Variants in VPS52 observed in about 807,000 individuals in gnomAD.
VPS52 encodes vacuolar protein sorting-associated protein 52 homolog.
VPS52 carries 56 observed loss-of-function variants against 98.7 expected under a neutral mutation model. That is an observed-to-expected ratio of 0.57 (90% CI 0.46 to 0.71). VPS52 has a LOEUF of 0.71. Ranked by LOEUF, VPS52 falls within the 30% of genes least tolerant of loss-of-function variation. The probability of loss-of-function intolerance (pLI) is 0.00; values close to 1 mark genes in which losing one functional copy is unlikely to be tolerated. For synonymous variants in VPS52, 348 were observed against 346.4 expected (o/e 1.00, Z -0.05); for missense variants, 742 against 925.9 (o/e 0.80, Z 2.58).
intron 17 of VPS52, among the ~76,000 whole-genome samples, chr6:33,252,553 C>T (rs1581544169): frequency 1.4e-5 from 2 of 140,080 alleles, no homozygotes; most frequent in East Asian, 2.0e-4. Flanking sequence ...CATGCCACTG[C>T]ACTCCAGCCT....
chr6:33,270,418 T>A, intron 1 of VPS52, 135 bp from the exon 2 acceptor site: 1 of 786,356 alleles, frequency 1.3e-6, no homozygotes, highest in Non-Finnish European at 2.0e-6. Context: ...TGAAAAATTC[T>A]AAGAGTCTCA....
chr6:33,252,106 G>A (rs74714481), intron 17 of VPS52, 135 bp from the exon 18 acceptor site: 17,944 of 690,948 alleles, frequency 0.026, 450 homozygotes, highest in African/African-American at 0.087. Context: ...ATCCTCTATG[G>A]AGAAAAATAT....
In VPS52 at chr6:33,263,999, G is replaced by A. The variant is rs201918121; in HGVS notation, c.1620+9C>T. The stretch of plus-strand genomic sequence containing the variant: ...TGCTGCTGGGAAGTGTCTCCTGTCC[G>A]ACCCTCACCTGCAGCTGTCCCAGCA... On this transcript the variant is annotated intron_variant, in intron 15 of 19. Transcript: ENST00000445902. 484 of 1,614,152 alleles carry A rather than the reference G, an allele frequency of 3.0e-4. 1 individual carries two copies. The highest frequency in any genetic ancestry group is 6.4e-5 in the Non-Finnish European group (76 of 1,179,996).
intron 17 of VPS52, among the ~76,000 whole-genome samples, chr6:33,256,745 G>A (rs560129826): frequency 6.8e-4 from 102 of 150,888 alleles, no homozygotes; most frequent in Middle Eastern, 3.4e-3. Flanking sequence ...GGAGGCTGAG[G>A]CAGGAGAATC....
chr6:33,255,479 T>A (rs1581559861), intron 17 of VPS52, among the ~76,000 whole-genome samples: 2 of 146,640 alleles, frequency 1.4e-5, no homozygotes, highest in East Asian at 3.9e-4. Context: ...TTTTTTTTTT[T>A]TTTTTTTTTA....
At chr6:33,269,955 G>A (rs1156284805) in intron 3 of VPS52, 44 bp downstream of exon 3, 1 of 1,612,948 alleles carries the variant, frequency 6.2e-7, no homozygotes, top group African/African-American at 1.3e-5. Flanking sequence ...TCCTTTTGGG[G>A]TAGAATAGAT....
At position 33,263,831 on chromosome 6, in the gene VPS52, T is replaced by C; in HGVS notation, c.1669A>G (p.Arg557Gly). ...VLRVAAEFSS[R>G]KEQLVFLINN... ...ATCAGAAACACAAGCTGCTCCTTCC[T>C]TGAGGAGAACTCAGCTGCCACTCGG... is the stretch of plus-strand genomic sequence containing the variant. The change falls in exon 16 of 20, where the codon AGG (arginine) becomes GGG (glycine). Residue 557 changes from arginine to glycine, a missense_variant. By Grantham distance (125) the Arg-to-Gly change is moderately radical. This residue lies in a region of VPS52 where 590 missense variants were observed against 793.3 expected (regional missense o/e 0.74). Transcript: ENST00000445902. The C allele has an allele frequency of 6.2e-7, 1 of 1,614,194 alleles. No individual in the cohort carries two copies. Among genetic ancestry groups the C allele is most frequent in the Admixed American group, 1.7e-5 (1 of 60,018 alleles).
In VPS52 at chr6:33,268,626, G is replaced by A; in HGVS notation, c.572C>T (p.Thr191Ile). The A allele has an allele frequency of 6.2e-7, 1 of 1,607,296 alleles. No homozygotes were observed. Reference sequence around the variant, plus strand: ...TAGCTGCTCCAAGAACCTGGGCTCTGTCACTGGAGCCTCCAGAATTGCCCT... The same window carrying A: ...TAGCTGCTCCAAGAACCTGGGCTCTATCACTGGAGCCTCCAGAATTGCCCT... ...LVTAILEAPVTEPRFLEQLQE... is the reference protein window; with the variant it reads ...LVTAILEAPVIEPRFLEQLQE... The change falls in exon 7 of 20, where the codon ACA becomes ATA. Residue 191 changes from threonine (T) to isoleucine (I), a missense_variant. This residue lies in a region of VPS52 where 590 missense variants were observed against 793.3 expected (regional missense o/e 0.74). Coordinates refer to ENST00000445902, the MANE Select transcript of VPS52 (RefSeq NM_022553.6). This position sits in a 1 kb window ranked among gnomAD's most constrained non-coding sequence, Gnocchi z 4.0.
rs1764465420 is a variant in VPS52, at chr6:33,267,396, A to G, written c.992-75T>C. The stretch of plus-strand genomic sequence containing the variant: ...AAGACTCACTATCTGTGGGGACCCC[A>G]GACAGGCAGACGTGGCCTAGCCAGC... On this transcript the variant is annotated intron_variant, in intron 10 of 19. Coordinates refer to ENST00000445902, the MANE Select transcript of VPS52 (RefSeq NM_022553.6). This position sits in a 1 kb window ranked among gnomAD's most constrained non-coding sequence, Gnocchi z 4.2. 1.3e-6 allele frequency: 2 copies of G among 1,515,236 alleles called. No homozygotes were observed. The highest frequency in any genetic ancestry group is 1.8e-6 in the Non-Finnish European group (2 of 1,133,424). The allele number at this position is 1,515,236 out of a possible 1,614,324, so 93.9% of individuals were successfully genotyped here.
chr6:33,251,868 C>T lies in VPS52; in HGVS notation c.1898G>A (p.Gly633Glu). The T allele has an allele frequency of 1.2e-6, 2 of 1,613,520 alleles. No individual in the cohort carries two copies. Among genetic ancestry groups the T allele is most frequent in the Non-Finnish European group, 1.7e-6 (2 of 1,180,040 alleles). Reference protein sequence around the residue: ...IERGQAERLRGEEARVTQLIR... With the variant: ...IERGQAERLREEEARVTQLIR... ...CCATATTTTCCTCATACCTTCTTCC[C>T]CTCGAAGTCGCTCAGCCTGTCCACG... is the stretch of plus-strand genomic sequence containing the variant. Residue 633 changes from glycine to glutamate, a missense_variant, in exon 18 of 20, where the codon GGG becomes GAG. Coordinates refer to ENST00000445902, the MANE Select transcript of VPS52 (RefSeq NM_022553.6).
chr6:33,252,399 G>A (rs893032272), intron 17 of VPS52, among the ~76,000 whole-genome samples: 9 of 152,084 alleles, frequency 5.9e-5, no homozygotes, highest in Non-Finnish European at 1.0e-4. Flanking sequence ...GACCAGCCTG[G>A]CCAACATGAT....
intron 17 of VPS52, among the ~76,000 whole-genome samples, chr6:33,260,770 C>T (rs1260361379): frequency 2.0e-5 from 3 of 151,916 alleles, no homozygotes; most frequent in Non-Finnish European, 2.9e-5. Context: ...GAGGCTGAGG[C>T]GGGTGAATCA....
Position 33,269,566 on chromosome 6 carries a change from C to G in VPS52, c.305-9G>C. The G allele has an allele frequency of 6.2e-7, 1 of 1,605,316 alleles. No homozygotes were observed. Among genetic ancestry groups the G allele is most frequent in the South Asian group, 1.1e-5 (1 of 89,318 alleles). On this transcript the variant is annotated splice_polypyrimidine_tract_variant and intron_variant, in intron 4 of 19. Coordinates refer to ENST00000445902, the MANE Select transcript of VPS52 (RefSeq NM_022553.6). Reference sequence around the variant, plus strand: ...CTCACTCTCTTGAATATCTGATCCACAAAAAGTCAAGGGGCCTCATGGTGA... The same window carrying G: ...CTCACTCTCTTGAATATCTGATCCAGAAAAAGTCAAGGGGCCTCATGGTGA...
In VPS52 at chr6:33,263,414, C is replaced by CTCACACACACACACACACAGAGAG. The variant is rs1554258933; in HGVS notation, c.1794+69_1794+70insCTCTCTGTGTGTGTGTGTGTGTGA. The CTCACACACACACACACACAGAGAG allele has an allele frequency of 5.3e-3, 5,196 of 972,564 alleles. 12 individuals are homozygous for CTCACACACACACACACACAGAGAG. Among genetic ancestry groups the CTCACACACACACACACACAGAGAG allele is most frequent in the Admixed American group, 0.011 (526 of 46,168 alleles). 60.2% of individuals were successfully genotyped at this position (972,564 alleles called of 1,614,324 possible). A position where few individuals can be genotyped will look rare whatever the true frequency, so the allele number is the denominator to read the frequency against. ...ACACACACACACACACACACACACA[C>CTCACACACACACACACACAGAGAG]AGAGAGAGAGAGAGAGAGAGCTGAA... On this transcript the variant is annotated intron_variant, in intron 17 of 19. Coordinates refer to ENST00000445902, the MANE Select transcript of VPS52 (RefSeq NM_022553.6).
rs1025237058 is a variant in VPS52, at chr6:33,250,794, G to C, written c.*47C>G. On this transcript the variant is annotated 3_prime_UTR_variant, in exon 20 of 20. Coordinates refer to ENST00000445902, the MANE Select transcript of VPS52 (RefSeq NM_022553.6). ...GAAGAAGGGTATGGAATGGGGTGCA[G>C]AAGTCCATGGAGATGACCGGCAGAT... 1 of 1,594,368 alleles carries C rather than the reference G, an allele frequency of 6.3e-7. No individual in the cohort carries two copies. The highest frequency in any genetic ancestry group is 1.1e-5 in the South Asian group (1 of 90,042).
At chr6:33,271,241 G>T (rs983714948) in intron 1 of VPS52, 48 of 605,276 alleles carry the variant, frequency 7.9e-5, no homozygotes, top group Non-Finnish European at 1.4e-4. Context: ...TGATGGCACA[G>T]AGAAGCTGGT....
chr6:33,250,986 C>T lies in VPS52; in HGVS notation c.2027G>A (p.Gly676Glu), dbSNP rs1280779592. ...GAGCTGGATCAGCTGGGTCAGCGCTCCCTGGTCAAAGAAAGTCATTGAGGG... is the reference window on the plus strand; with the variant it reads ...GAGCTGGATCAGCTGGGTCAGCGCTTCCTGGTCAAAGAAAGTCATTGAGGG... ...NFRNGTSIIQ[G>E]ALTQLIQLYH... Residue 676 changes from glycine to glutamate, a missense_variant and splice_region_variant, in exon 20 of 20, where the codon GGA becomes GAA. By Grantham distance (98) the Gly-to-Glu change is moderately conservative (BLOSUM62 -2). This residue lies in a region of VPS52 where 590 missense variants were observed against 793.3 expected (regional missense o/e 0.74). Transcript: ENST00000445902. 9 of 1,612,882 alleles carry T rather than the reference C, an allele frequency of 5.6e-6. No individual in the cohort carries two copies. Among genetic ancestry groups the T allele is most frequent in the Non-Finnish European group, 7.6e-6 (9 of 1,180,036 alleles).
rs753567778 is a variant in VPS52 at position 33,271,639 on chromosome 6, C to T, written c.37G>A (p.Glu13Lys). ...AAATMAAAAR[E>K]LVLRAGTSDM... ...GAGGTCCCAGCCCGCAACACCAGTT[C>T]CCGGGCCGCAGCCGCCATGGTCGCA... Residue 13 changes from glutamate (E) to lysine (K), a missense_variant, in exon 1 of 20, where the codon GAA becomes AAA. Physicochemically the swap from Glu to Lys is moderately conservative, Grantham distance 56. Transcript: ENST00000445902. 4 of 1,611,142 alleles carry T rather than the reference C, an allele frequency of 2.5e-6. No homozygotes were observed. Among genetic ancestry groups the T allele is most frequent in the Non-Finnish European group, 3.4e-6 (4 of 1,178,414 alleles).
At chr6:33,254,516 G>A (rs773257493) in intron 17 of VPS52, among the ~76,000 whole-genome samples, 2 of 152,102 alleles carry the variant, frequency 1.3e-5, no homozygotes, top group African/African-American at 2.4e-5. Flanking sequence ...AGCAGTGTAC[G>A]GTGGGGCACA....
Sources: allele counts gnomAD v4.1 joint callset (sites outside exome capture counted in the v4.1 genomes callset), GRCh38; gene constraint gnomAD v4.1.1; regional missense constraint gnomAD v4.1.1; non-coding constraint Gnocchi (gnomAD v3.1); transcripts MANE v1.5; gene names NCBI Gene and HGNC (gene_info 2026-07-23, HGNC 2026-07-21).